ZNF829: variants seen among roughly 807,000 people sequenced by gnomAD.
The protein encoded by ZNF829 is zinc finger protein 829.
ZNF829 carries 25 observed loss-of-function variants against 35.2 expected under a neutral mutation model. That is an observed-to-expected ratio of 0.71 (90% CI 0.52 to 0.99). The LOEUF (loss-of-function observed/expected upper bound fraction) is 0.99, where lower values mean the gene tolerates loss of function less well. Ranked by LOEUF, ZNF829 falls within the 50% of genes least tolerant of loss-of-function variation. The probability of loss-of-function intolerance (pLI) is 0.00; values close to 1 mark genes in which losing one functional copy is unlikely to be tolerated. For missense variants in ZNF829, 417 were observed against 515.3 expected, an observed-to-expected ratio of 0.81 and a Z score of 1.85; for synonymous variants, 136 against 163.2, an observed-to-expected ratio of 0.83 and a Z score of 1.27.
intron 5 of ZNF829, among the ~76,000 whole-genome samples, chr19:36,895,814 A>T (rs1264657568): frequency 6.6e-6 from 1 of 152,230 alleles, no homozygotes; most frequent in Non-Finnish European, 1.5e-5. Flanking sequence ...AAAGTTCTAA[A>T]TTTATAGGCA....
At chr19:36,913,303 C>G (rs974545630) in intron 3 of ZNF829, among the ~76,000 whole-genome samples, 5 of 152,116 alleles carry the variant, frequency 3.3e-5, no homozygotes, top group African/African-American at 1.2e-4. Context: ...CTCAGAGTTC[C>G]AAATTTACAC....
intron 5 of ZNF829, chr19:36,905,742 AC>A (rs1307191596): frequency 6.6e-6 from 1 of 152,100 alleles, no homozygotes; most frequent in East Asian, 1.9e-4. Context: ...CCGGCCTAAT[AC>A]TAAAATTTAC....
rs757836509 is a variant in ZNF829, at chr19:36,891,462, G to T, written c.*30C>A. On this transcript the variant is annotated 3_prime_UTR_variant, in exon 6 of 6. Coordinates refer to ENST00000391711, the MANE Select transcript of ZNF829 (RefSeq NM_001037232.4). ...CTGTTTTAAAAAAATTATTATAAAG[G>T]TTAACAAAATGGTCTTACTTTACTG... 35 of 1,510,194 alleles carry T rather than the reference G, an allele frequency of 2.3e-5. No individual in the cohort carries two copies. The highest frequency in any genetic ancestry group is 3.0e-5 in the Non-Finnish European group (34 of 1,132,048). 93.5% of individuals were successfully genotyped at this position (1,510,194 alleles called of 1,614,324 possible).
In ZNF829 at chr19:36,890,867, A is replaced by G. The variant is rs1455022246; in HGVS notation, c.*625T>C. The stretch of plus-strand genomic sequence containing the variant: ...CGAGACTCTGTCTCAAAATAAAATA[A>G]AATAAAATAAATTTGACTAACAACT... On this transcript the variant is annotated 3_prime_UTR_variant, in exon 6 of 6. Transcript: ENST00000391711. 4.6e-5 allele frequency: 7 copies of G among 152,148 alleles called. No homozygotes were observed. The highest frequency in any genetic ancestry group is 1.7e-4 in the African/African-American group (7 of 41,412). 9.4% of individuals were successfully genotyped at this position (152,148 alleles called of 1,614,324 possible).
chr19:36,891,298 G>T lies in ZNF829; in HGVS notation c.*194C>A, dbSNP rs1376788141. The T allele has an allele frequency of 5.6e-6, 3 of 534,412 alleles. No homozygotes were observed. The highest frequency in any genetic ancestry group is 2.0e-5 in the African/African-American group (1 of 51,094). 33.1% of individuals were successfully genotyped at this position (534,412 alleles called of 1,614,324 possible). A position where few individuals can be genotyped will look rare whatever the true frequency, so the allele number is the denominator to read the frequency against. On this transcript the variant is annotated 3_prime_UTR_variant, in exon 6 of 6. Coordinates refer to ENST00000391711, the MANE Select transcript of ZNF829 (RefSeq NM_001037232.4). ...AGCACCCTTGAGTTTAGATTTCCAG[G>T]CTCTAAACTATGAGAGAATAAATTT...
rs531603956 is a variant in ZNF829, at chr19:36,907,964, A to T, written c.284T>A (p.Met95Lys). The T allele has an allele frequency of 1.1e-5, 17 of 1,614,048 alleles. 1 individual carries two copies. The Admixed American group carries it at 2.0e-4, about 19-fold the overall frequency. Reference protein sequence around the residue: ...SLLEQGKEPWMVDRELTRGLC... With the variant: ...SLLEQGKEPWKVDRELTRGLC... ...GCCTCTAGTCAGCTCTCTATCAACCATCCAGGGCTCTTTTCCTTGTTCCAA... is the reference window on the plus strand; with the variant it reads ...GCCTCTAGTCAGCTCTCTATCAACCTTCCAGGGCTCTTTTCCTTGTTCCAA... The change falls in exon 5 of 6, where the codon ATG becomes AAG. Residue 95 changes from methionine to lysine, a missense_variant. Met to Lys is a moderately conservative substitution (Grantham distance 95). Transcript: ENST00000391711.
Position 36,891,308 on chromosome 19 carries a change from A to G in ZNF829, c.*184T>C, listed in dbSNP as rs751893736. ...AGTTTAGATTTCCAGGCTCTAAACT[A>G]TGAGAGAATAAATTTCTCTTGTTTT... On this transcript the variant is annotated 3_prime_UTR_variant, in exon 6 of 6. Coordinates refer to ENST00000391711, the MANE Select transcript of ZNF829 (RefSeq NM_001037232.4). 2.4e-5 allele frequency: 14 copies of G among 573,418 alleles called. No individual in the cohort carries two copies. The Admixed American group carries it at 2.6e-4, about 10-fold the overall frequency. 35.5% of individuals were successfully genotyped at this position (573,418 alleles called of 1,614,324 possible). A position where few individuals can be genotyped will look rare whatever the true frequency, so the allele number is the denominator to read the frequency against.
In ZNF829 at chr19:36,891,487, G is replaced by A. The variant is rs1346326507; in HGVS notation, c.*5C>T. 8.5e-6 allele frequency: 13 copies of A among 1,532,312 alleles called. No homozygotes were observed. The highest frequency in any genetic ancestry group is 1.1e-5 in the Non-Finnish European group (13 of 1,144,046). 94.9% of individuals were successfully genotyped at this position (1,532,312 alleles called of 1,614,324 possible). On this transcript the variant is annotated 3_prime_UTR_variant, in exon 6 of 6. Transcript: ENST00000391711. ...GTTAACAAAATGGTCTTACTTTACT[G>A]TCATTCAACCAGTATGAATTCCCTC...
intron 5 of ZNF829, among the ~76,000 whole-genome samples, chr19:36,901,170 T>C (rs2073162497): frequency 6.6e-6 from 1 of 152,222 alleles, no homozygotes; most frequent in African/African-American, 2.4e-5. Context: ...TAAAATGGAA[T>C]AGTATTTGGC....
rs949005205 is a variant in ZNF829, at chr19:36,891,385, C to T, written c.*107G>A. On this transcript the variant is annotated 3_prime_UTR_variant, in exon 6 of 6. Transcript: ENST00000391711. ...ACTTTGTTATCGTATCGTTTAAAAA[C>T]GAATACATAGGAGAACCTTTGATAA... 36 of 1,186,880 alleles carry T rather than the reference C, an allele frequency of 3.0e-5. No individual in the cohort carries two copies. The highest frequency in any genetic ancestry group is 1.9e-4 in the East Asian group (7 of 37,420). The allele number at this position is 1,186,880 out of a possible 1,614,324, so 73.5% of individuals were successfully genotyped here.
At chr19:36,903,720 G>T (rs575734266) in intron 5 of ZNF829, among the ~76,000 whole-genome samples, 1 of 151,878 alleles carries the variant, frequency 6.6e-6, no homozygotes, top group South Asian at 2.1e-4. Flanking sequence ...GGGAAACCTC[G>T]TCTCTACTAA....
At position 36,914,948 on chromosome 19, in the gene ZNF829, A is replaced by T. The variant is rs374504079; in HGVS notation, c.96+17T>A. Reference sequence around the variant, plus strand: ...AAGCAAGAATTTTCAGAAGAAAAAGAGGAAACCCCAACACACCTTGGATAC... The same window carrying T: ...AAGCAAGAATTTTCAGAAGAAAAAGTGGAAACCCCAACACACCTTGGATAC... On this transcript the variant is annotated intron_variant, in intron 3 of 5. Coordinates refer to ENST00000391711, the MANE Select transcript of ZNF829 (RefSeq NM_001037232.4). 25 of 1,613,632 alleles carry T rather than the reference A, an allele frequency of 1.5e-5. No homozygotes were observed. Among genetic ancestry groups the T allele is most frequent in the East Asian group, 2.2e-5 (1 of 44,902 alleles).
At position 36,891,631 on chromosome 19, in the gene ZNF829, T is replaced by C. The variant is rs771348288; in HGVS notation, c.1160A>G (p.Lys387Arg). Reference protein sequence around the residue: ...EKPYECNECGKAFNKGSNLTR... With the variant: ...EKPYECNECGRAFNKGSNLTR... ...AAGATTTGAGCCTTTATTAAAGGCC[T>C]TCCCACATTCATTACATTCATATGG... Residue 387 changes from lysine (K) to arginine (R), a missense_variant, in exon 6 of 6, where the codon AAG becomes AGG. Lys to Arg is a conservative substitution (Grantham distance 26). Transcript: ENST00000391711. 6.2e-7 allele frequency: 1 copy of C among 1,613,662 alleles called. No homozygotes were observed. Among genetic ancestry groups the C allele is most frequent in the South Asian group, 1.1e-5 (1 of 91,020 alleles).
chr19:36,914,417 A>G (rs1176332957), intron 3 of ZNF829, among the ~76,000 whole-genome samples: 1 of 152,198 alleles, frequency 6.6e-6, no homozygotes, highest in African/African-American at 2.4e-5. Flanking sequence ...GACATGTCAC[A>G]AAAGATGACT....
chr19:36,914,527 A>T (rs1044550643), intron 3 of ZNF829, among the ~76,000 whole-genome samples: 2 of 152,212 alleles, frequency 1.3e-5, no homozygotes, highest in African/African-American at 4.8e-5. Flanking sequence ...ACAGATATAT[A>T]TTCAAATGAG....
intron 3 of ZNF829, among the ~76,000 whole-genome samples, chr19:36,910,014 C>T (rs531406517): frequency 5.2e-4 from 79 of 151,948 alleles, no homozygotes; most frequent in African/African-American, 1.9e-3. Context: ...AGAGTAGCCA[C>T]CTAAGGGGAG....
chr19:36,896,412 G>A (rs2073113764), intron 5 of ZNF829, among the ~76,000 whole-genome samples: 1 of 152,150 alleles, frequency 6.6e-6, no homozygotes, highest in African/African-American at 2.4e-5. Context: ...GAACCTGGGA[G>A]GCAGAGGTTG....
chr19:36,906,151 A>G (rs1437352176), intron 5 of ZNF829: 1 of 152,242 alleles, frequency 6.6e-6, no homozygotes, highest in African/African-American at 2.4e-5. Flanking sequence ...AACATAGGAA[A>G]TATCTTCAAG....
intron 5 of ZNF829, 125 bp downstream of exon 5, chr19:36,907,804 A>C: frequency 2.5e-5 from 7 of 275,364 alleles, no homozygotes; most frequent in African/African-American, 7.7e-5. Flanking sequence ...AAAGTATGAG[A>C]AAAAAAAAAA....
Sources: allele counts gnomAD v4.1 joint callset (sites outside exome capture counted in the v4.1 genomes callset), GRCh38; gene constraint gnomAD v4.1.1; transcripts MANE v1.5; gene names NCBI Gene and HGNC (gene_info 2026-07-23, HGNC 2026-07-21).